Variants in WDR7 observed in about 807,000 individuals in gnomAD.
WDR7 encodes the protein WD repeat domain 7.
A neutral mutation model predicts 169.4 loss-of-function variants in WDR7; 46 were observed. That is an observed-to-expected ratio of 0.27 (90% CI 0.21 to 0.35). WDR7 has a LOEUF of 0.35. Among genes scored for constraint, WDR7 ranks in the 10% least tolerant of loss-of-function variants. The pLI is 1.00. For missense variants in WDR7, 1,534 were observed against 1,859.3 expected, an observed-to-expected ratio of 0.83 and a Z score of 3.22; for synonymous variants, 612 against 666.8, an observed-to-expected ratio of 0.92 and a Z score of 1.27.
chr18:56,927,878 G>GC (rs2046829058), intron 22 of WDR7, among the ~76,000 whole-genome samples: 1 of 152,124 alleles, frequency 6.6e-6, no homozygotes, highest in Non-Finnish European at 1.5e-5. Flanking sequence ...GACAAGATCT[G>GC]CCCCAAAATA....
intron 13 of WDR7, among the ~76,000 whole-genome samples, chr18:56,731,165 T>C (rs2026577626): frequency 1.3e-5 from 2 of 152,174 alleles, no homozygotes; most frequent in South Asian, 4.2e-4. Flanking sequence ...TTGACTTTAT[T>C]GGGAAGTTGC....
chr18:56,687,164 G>A (rs756700278), intron 7 of WDR7, among the ~76,000 whole-genome samples, 190 bp downstream of exon 7: 3 of 152,066 alleles, frequency 2.0e-5, no homozygotes, highest in Non-Finnish European at 4.4e-5. Context: ...TTTTGTTTGT[G>A]TTTATGGAAT....
chr18:56,686,723 G>C (rs1436603107), intron 6 of WDR7, 132 bp from the exon 7 acceptor site: 2 of 722,992 alleles, frequency 2.8e-6, no homozygotes, highest in Non-Finnish European at 4.6e-6. Context: ...CTACCGTGGC[G>C]CTTACCTGAG....
chr18:56,815,579 T>C (rs2044951684), intron 19 of WDR7, among the ~76,000 whole-genome samples: 1 of 152,162 alleles, frequency 6.6e-6, no homozygotes, highest in Admixed American at 6.6e-5. Flanking sequence ...TTCAGGTCCG[T>C]TACTTAGCCC....
intron 16 of WDR7, among the ~76,000 whole-genome samples, chr18:56,766,988 T>C (rs1192521950): frequency 6.6e-6 from 1 of 152,174 alleles, no homozygotes; most frequent in African/African-American, 2.4e-5. Context: ...CTGGACACTT[T>C]TGTGTTCTTA....
intron 27 of WDR7, among the ~76,000 whole-genome samples, chr18:57,022,562 A>C (rs1225435986): frequency 6.6e-6 from 1 of 152,184 alleles, no homozygotes; most frequent in African/African-American, 2.4e-5. Flanking sequence ...AATACCTCAC[A>C]TATTAGCCAG....
At chr18:56,896,372 G>A (rs1024943591) in intron 21 of WDR7, among the ~76,000 whole-genome samples, 4 of 151,766 alleles carry the variant, frequency 2.6e-5, no homozygotes, top group African/African-American at 7.2e-5. Flanking sequence ...AATAGACTAA[G>A]AAAAGCCATG....
intron 20 of WDR7, 49 bp downstream of exon 20, chr18:56,816,193 C>A: frequency 6.6e-7 from 1 of 1,504,286 alleles, no homozygotes; most frequent in South Asian, 1.2e-5. Context: ...TTTGATATTG[C>A]AAAATGTTTT....
rs2025558605 is a variant in WDR7, at chr18:56,691,096, A to G, written c.718-120A>G. The G allele has an allele frequency of 1.4e-5, 19 of 1,379,470 alleles. No homozygotes were observed. In the South Asian group the frequency reaches 2.6e-4, roughly 19 times the overall value. The allele number at this position is 1,379,470 out of a possible 1,614,324, so 85.5% of individuals were successfully genotyped here. A position where few individuals can be genotyped will look rare whatever the true frequency, so the allele number is the denominator to read the frequency against. On this transcript the variant is annotated intron_variant, in intron 7 of 27. Transcript: ENST00000254442. ...CTTATTGACAAACTTTCTTTATCTG[A>G]TGCAGCAAACTGAGTTTTCTAAATA... is the stretch of plus-strand genomic sequence containing the variant.
intron 20 of WDR7, among the ~76,000 whole-genome samples, chr18:56,847,139 C>G (rs1311521349): frequency 1.3e-5 from 2 of 152,230 alleles, no homozygotes; most frequent in East Asian, 3.9e-4. Flanking sequence ...AAAGGCTACA[C>G]TGATGAGATC....
chr18:56,799,865 A>G (rs1214884436), intron 19 of WDR7, among the ~76,000 whole-genome samples: 1 of 152,172 alleles, frequency 6.6e-6, no homozygotes, highest in Non-Finnish European at 1.5e-5. Flanking sequence ...CATTCTCTGT[A>G]AGAGTAATTG....
intron 1 of WDR7, among the ~76,000 whole-genome samples, chr18:56,669,652 T>TCA (rs200984419): frequency 0.012 from 1,901 of 152,090 alleles, 46 homozygotes; most frequent in African/African-American, 0.042. Context: ...TCTGAATATA[T>TCA]TATATATATA....
In WDR7 at chr18:56,775,308, G is replaced by A. The variant is rs370157319; in HGVS notation, c.2849-1474G>A. On this transcript the variant is annotated intron_variant, in intron 16 of 27. Coordinates refer to ENST00000254442, the MANE Select transcript of WDR7 (RefSeq NM_015285.3). Reference sequence around the variant, plus strand: ...CTGAAGCCACCAGAGGAACATTTTGGCAGAACAAAAATTAAAACCTGCAAA... The same window carrying A: ...CTGAAGCCACCAGAGGAACATTTTGACAGAACAAAAATTAAAACCTGCAAA... 5.9e-5 allele frequency among the ~76,000 whole-genome samples: 9 copies of A among 152,074 alleles called. No individual in the cohort carries two copies. The South Asian group carries it at 1.7e-3, about 28-fold the overall frequency.
chr18:57,027,366 G>A lies in WDR7; in HGVS notation c.*159G>A. On this transcript the variant is annotated 3_prime_UTR_variant, in exon 28 of 28. Coordinates refer to ENST00000254442, the MANE Select transcript of WDR7 (RefSeq NM_015285.3). ...TTGTCACTTGTGCATGCTTCTCAGG[G>A]GCAGAACCCGCTCGTGCCATCTGTC... 1.2e-6 allele frequency: 1 copy of A among 854,328 alleles called. No individual in the cohort carries two copies. Among genetic ancestry groups the A allele is most frequent in the Non-Finnish European group, 1.8e-6 (1 of 564,136 alleles). 52.9% of individuals were successfully genotyped at this position (854,328 alleles called of 1,614,324 possible).
At chr18:56,769,769 G>C (rs2044123604) in intron 16 of WDR7, among the ~76,000 whole-genome samples, 1 of 152,114 alleles carries the variant, frequency 6.6e-6, no homozygotes, top group African/African-American at 2.4e-5. Flanking sequence ...ATTATCTCAG[G>C]AAAGAGTTAT....
rs2045233832 is a variant in WDR7, at chr18:56,827,752, T to A, written c.3304+11608T>A. ...GAGGATAAATGCTTGAGAAGATGGA[T>A]ATTCCATTTCCCATGATGTGATTAT... On this transcript the variant is annotated intron_variant, in intron 20 of 27. Coordinates refer to ENST00000254442, the MANE Select transcript of WDR7 (RefSeq NM_015285.3). 2.0e-5 allele frequency among the ~76,000 whole-genome samples: 3 copies of A among 152,138 alleles called. No individual in the cohort carries two copies. In the South Asian group the frequency reaches 6.2e-4, roughly 32 times the overall value.
At chr18:56,847,787 C>A (rs1448158950) in intron 20 of WDR7, among the ~76,000 whole-genome samples, 1 of 152,184 alleles carries the variant, frequency 6.6e-6, no homozygotes, top group Non-Finnish European at 1.5e-5. Context: ...AAGCTATAAG[C>A]CTTGGTGGCT....
chr18:56,714,573 C>T (rs181996166), intron 12 of WDR7, among the ~76,000 whole-genome samples: 1 of 151,416 alleles, frequency 6.6e-6, no homozygotes, highest in Non-Finnish European at 1.5e-5. Flanking sequence ...GCCTCCCCAT[C>T]GGCTACTGTT....
chr18:56,805,786 A>G (rs2044763918), intron 19 of WDR7, among the ~76,000 whole-genome samples: 1 of 152,134 alleles, frequency 6.6e-6, no homozygotes, highest in Non-Finnish European at 1.5e-5. Flanking sequence ...TACTGGAACC[A>G]GGCATCTGTT....
Sources: gnomAD v4.1 joint callset for allele counts (sites outside exome capture counted in the v4.1 genomes callset) on GRCh38, gnomAD v4.1.1 for gene constraint, MANE v1.5 for transcripts, NCBI Gene and HGNC (gene_info 2026-07-23, HGNC 2026-07-21) for gene names.